G3BP2: variants seen among roughly 807,000 people sequenced by gnomAD.
G3BP2 encodes G3BP stress granule assembly factor 2, also known as ras GTPase-activating protein-binding protein 2.
In G3BP2, 11 loss-of-function variants were observed where a neutral mutation model predicts 56.7. That is an observed-to-expected ratio of 0.19 (90% CI 0.12 to 0.32). The LOEUF (loss-of-function observed/expected upper bound fraction) is 0.32, where lower values mean the gene tolerates loss of function less well. Ranked by LOEUF, G3BP2 falls within the 10% of genes least tolerant of loss-of-function variation. The probability of loss-of-function intolerance (pLI) is 1.00; values close to 1 mark genes in which losing one functional copy is unlikely to be tolerated. For synonymous variants in G3BP2, 165 were observed against 191.6 expected (o/e 0.86, Z 1.15); for missense variants, 340 against 610.9 (o/e 0.56, Z 4.67).
At chr4:75,696,470 T>G in intron 3 of G3BP2, among the ~76,000 whole-genome samples, 1 of 152,204 alleles carries the variant, frequency 6.6e-6, no homozygotes, top group Non-Finnish European at 1.5e-5. Context: ...CACCCATGGT[T>G]GCCAACAGTC....
chr4:75,655,964 C>CA, intron 5 of G3BP2, 94 bp from the exon 6 acceptor site: 1 of 650,452 alleles, frequency 1.5e-6, no homozygotes, highest in Non-Finnish European at 2.7e-6. Flanking sequence ...GGTATGATAG[C>CA]AAAAAAGAAA....
intron 1 of G3BP2, among the ~76,000 whole-genome samples, chr4:75,663,210 C>T (rs1400847520): frequency 6.6e-6 from 1 of 152,168 alleles, no homozygotes; most frequent in Non-Finnish European, 1.5e-5. Context: ...GATAATGTGC[C>T]TCAAAGTTAA....
intron 8 of G3BP2, among the ~76,000 whole-genome samples, chr4:75,649,844 T>C (rs921183063): frequency 1.3e-5 from 2 of 151,860 alleles, no homozygotes; most frequent in African/African-American, 2.4e-5. Flanking sequence ...ACCCAGTCTC[T>C]ACTAAAAATA....
At chr4:75,646,234 T>C (rs1731200493) in intron 11 of G3BP2, 104 bp downstream of exon 11, 2 of 654,098 alleles carry the variant, frequency 3.1e-6, no homozygotes. Flanking sequence ...AATAACTATT[T>C]TTAGCTTTAT....
rs59385459 is a variant in G3BP2 at position 75,647,693 on chromosome 4, C to T, written c.929-536G>A. Among the ~76,000 whole-genome samples the T allele has an allele frequency of 2.9e-3, 444 of 152,172 alleles. 4 individuals carry two copies. Among genetic ancestry groups the T allele is most frequent in the East Asian group, 0.023 (120 of 5,178 alleles). The stretch of plus-strand genomic sequence containing the variant: ...AACACAGTGAGGAAAATAGGCAATA[C>T]AAGAATAATTTGTGTAATATTTGAC... On this transcript the variant is annotated intron_variant, in intron 9 of 11. Transcript: ENST00000359707.
intron 3 of G3BP2, among the ~76,000 whole-genome samples, chr4:75,688,739 T>A (rs983551557): frequency 6.6e-6 from 1 of 152,206 alleles, no homozygotes; most frequent in Non-Finnish European, 1.5e-5. Flanking sequence ...GGGAACAGAT[T>A]TCTGTAAAAA....
intron 3 of G3BP2, among the ~76,000 whole-genome samples, chr4:75,689,333 G>A (rs910649381): frequency 2.0e-5 from 3 of 150,064 alleles, no homozygotes; most frequent in South Asian, 2.1e-4. Flanking sequence ...GCCAAGATCC[G>A]CCACTGCACT....
At chr4:75,657,774 C>T in intron 3 of G3BP2, 44 bp from the exon 4 acceptor site, 1 of 1,168,990 alleles carries the variant, frequency 8.6e-7, no homozygotes, top group Admixed American at 1.9e-5. Context: ...TGTGATACTG[C>T]ATTACCTACA....
At chr4:75,676,821 A>T (rs1733893689), upstream of G3BP2, among the ~76,000 whole-genome samples, 1 of 152,180 alleles carries the variant, frequency 6.6e-6, no homozygotes, top group African/African-American at 2.4e-5. Flanking sequence ...AACCTTTAAA[A>T]GGCAACACAA....
intron 10 of G3BP2, among the ~76,000 whole-genome samples, chr4:75,646,744 T>C (rs1731233574): frequency 6.6e-6 from 1 of 152,210 alleles, no homozygotes; most frequent in South Asian, 2.1e-4. Flanking sequence ...TCCTAATATA[T>C]TGACCCATTT....
Position 75,645,266 on chromosome 4 carries a change from G to T in G3BP2, c.*164C>A. ...AATGTGAATCCTGTTGTGAAATTGG[G>T]GAAATAATGTCCACCTCAATTTAAC... is the stretch of plus-strand genomic sequence containing the variant. On this transcript the variant is annotated 3_prime_UTR_variant, in exon 12 of 12. Coordinates refer to ENST00000359707, the MANE Select transcript of G3BP2 (RefSeq NM_203505.3). The T allele has an allele frequency of 1.6e-6, 1 of 613,872 alleles. No individual in the cohort carries two copies. The highest frequency in any genetic ancestry group is 2.1e-5 in the South Asian group (1 of 46,630). 38.0% of individuals were successfully genotyped at this position (613,872 alleles called of 1,614,324 possible). A position where few individuals can be genotyped will look rare whatever the true frequency, so the allele number is the denominator to read the frequency against.
chr4:75,647,019 A>C lies in G3BP2; in HGVS notation c.1057+10T>G, dbSNP rs2148944441. Reference sequence around the variant, plus strand: ...ATTTAAAAACTCCAACAGCAAAATAAATCACTTACTCATGAAGAATTCCTT... The same window carrying C: ...ATTTAAAAACTCCAACAGCAAAATACATCACTTACTCATGAAGAATTCCTT... On this transcript the variant is annotated intron_variant, in intron 10 of 11. Transcript: ENST00000359707. 1 of 1,553,418 alleles carries C rather than the reference A, an allele frequency of 6.4e-7. No homozygotes were observed. The highest frequency in any genetic ancestry group is 8.8e-7 in the Non-Finnish European group (1 of 1,142,676).
chr4:75,715,629 G>A (rs1261185071), intron 3 of G3BP2, among the ~76,000 whole-genome samples: 1 of 152,208 alleles, frequency 6.6e-6, no homozygotes, highest in Non-Finnish European at 1.5e-5. Context: ...CCTCTGGCCA[G>A]AGCTAAGCAG....
At chr4:75,686,032 G>T (rs948667493) in intron 3 of G3BP2, among the ~76,000 whole-genome samples, 29 of 152,124 alleles carry the variant, frequency 1.9e-4, no homozygotes, top group African/African-American at 7.0e-4. Context: ...CAAAAGCAGG[G>T]AATGAGACAA....
intron 3 of G3BP2, among the ~76,000 whole-genome samples, chr4:75,682,578 T>C (rs1734122153): frequency 6.6e-6 from 1 of 152,202 alleles, no homozygotes; most frequent in South Asian, 2.1e-4. Context: ...GTTATAAAAC[T>C]ATTCAGGGTA....
At chr4:75,646,940 TA>T (rs1375661889) in intron 10 of G3BP2, 88 bp downstream of exon 10, 69 of 768,562 alleles carry the variant, frequency 9.0e-5, no homozygotes, top group East Asian at 1.7e-4. Flanking sequence ...GAGAAACATT[TA>T]AAAAAAATAG....
intron 1 of G3BP2, among the ~76,000 whole-genome samples, chr4:75,671,256 G>T (rs571288754): frequency 5.6e-4 from 86 of 152,240 alleles, no homozygotes; most frequent in Non-Finnish European, 7.8e-4. Flanking sequence ...CATTGAAAAG[G>T]AGTCATTCAC....
chr4:75,693,996 C>T (rs1718990960), intron 3 of G3BP2, among the ~76,000 whole-genome samples: 1 of 152,010 alleles, frequency 6.6e-6, no homozygotes, highest in African/African-American at 2.4e-5. Context: ...CTGCCTCAGT[C>T]TCCCAAAATG....
chr4:75,722,923 TTA>T (rs1720233352), intron 1 of G3BP2, among the ~76,000 whole-genome samples: 1 of 152,206 alleles, frequency 6.6e-6, no homozygotes, highest in Non-Finnish European at 1.5e-5. Flanking sequence ...ATATCACCTT[TTA>T]TGAGACAGTG....
Sources: allele counts gnomAD v4.1 joint callset (sites outside exome capture counted in the v4.1 genomes callset), GRCh38; gene constraint gnomAD v4.1.1; transcripts MANE v1.5; gene names NCBI Gene and HGNC (gene_info 2026-07-23, HGNC 2026-07-21).